The following THSD7B variants were observed in gnomAD, a reference collection of about 807,000 sequenced individuals.
THSD7B encodes thrombospondin type 1 domain containing 7B, also known as thrombospondin type-1 domain-containing protein 7B.
In THSD7B, 138 loss-of-function variants were observed where a neutral mutation model predicts 213.6. The ratio of observed to expected loss-of-function variants is 0.65; its 90% CI spans 0.56 to 0.74. THSD7B has a LOEUF of 0.74. Among genes scored for constraint, THSD7B ranks in the 30% least tolerant of loss-of-function variants. THSD7B has a pLI of 0.00. For missense variants in THSD7B, 1,931 were observed against 1,991.5 expected, an observed-to-expected ratio of 0.97 and a Z score of 0.58; for synonymous variants, 742 against 687.0, an observed-to-expected ratio of 1.08 and a Z score of -1.25.
At chr2:136,795,570 G>A (rs1463415204) in intron 1 of THSD7B, among the ~76,000 whole-genome samples, 3 of 151,922 alleles carry the variant, frequency 2.0e-5, no homozygotes, top group East Asian at 3.9e-4. Flanking sequence ...TATTACACTA[G>A]CAAATAGTTA....
intron 2 of THSD7B, among the ~76,000 whole-genome samples, chr2:136,895,553 G>T: frequency 3.0e-5 from 3 of 100,864 alleles, no homozygotes; most frequent in Admixed American, 1.5e-4. Context: ...AGAATTCCAT[G>T]CTATTACAAT....
chr2:136,877,757 A>T (rs993536979), intron 1 of THSD7B, among the ~76,000 whole-genome samples: 5 of 152,052 alleles, frequency 3.3e-5, no homozygotes, highest in African/African-American at 1.2e-4. Flanking sequence ...GGCCCAGCAT[A>T]CCACCTGTAT....
intron 12 of THSD7B, among the ~76,000 whole-genome samples, chr2:137,315,117 C>G (rs1205507053): frequency 6.6e-6 from 1 of 152,220 alleles, no homozygotes; most frequent in Admixed American, 6.5e-5. Context: ...TCGCTGCCGC[C>G]TTGCAGTTTG....
intron 15 of THSD7B, among the ~76,000 whole-genome samples, chr2:137,487,632 T>G (rs997824751): frequency 6.7e-6 from 1 of 150,250 alleles, no homozygotes; most frequent in Non-Finnish European, 1.5e-5. Context: ...AAAGGGGATA[T>G]CACCACTGAT....
intron 2 of THSD7B, among the ~76,000 whole-genome samples, chr2:136,890,394 C>T (rs1683809145): frequency 8.2e-4 from 1 of 1,222 alleles, no homozygotes; most frequent in Non-Finnish European, 2.2e-3. Context: ...TCTTCCTCTT[C>T]CTCTTCCTCT....
intron 2 of THSD7B, among the ~76,000 whole-genome samples, chr2:137,000,306 T>A (rs565859880): frequency 6.6e-6 from 1 of 152,290 alleles, no homozygotes; most frequent in South Asian, 2.1e-4. Flanking sequence ...ATCTAGAAAT[T>A]GTAGATTTCC....
intron 20 of THSD7B, 150 bp downstream of exon 20, chr2:137,620,876 C>A: frequency 1.6e-6 from 1 of 625,298 alleles, no homozygotes. Flanking sequence ...AGCCTGGCCT[C>A]ATATCAGTCC....
At chr2:136,897,626 G>C (rs1212890134) in intron 2 of THSD7B, among the ~76,000 whole-genome samples, 1 of 152,130 alleles carries the variant, frequency 6.6e-6, no homozygotes, top group Non-Finnish European at 1.5e-5. Flanking sequence ...GCAGGTTGCC[G>C]CTGCGGGCTC....
At chr2:137,615,764 T>C (rs74494129) in intron 17 of THSD7B, among the ~76,000 whole-genome samples, 4,432 of 152,214 alleles carry the variant, frequency 0.029, 167 homozygotes, top group African/African-American at 0.088. Context: ...ATTTTCTGTG[T>C]GATTATTTTT....
At chr2:137,193,198 A>G (rs1445016279) in intron 7 of THSD7B, among the ~76,000 whole-genome samples, 2 of 152,100 alleles carry the variant, frequency 1.3e-5, no homozygotes, top group Admixed American at 6.5e-5. Flanking sequence ...TATTTGGAAT[A>G]TCACACATGT....
intron 14 of THSD7B, among the ~76,000 whole-genome samples, chr2:137,444,030 A>G (rs1687475456): frequency 6.6e-6 from 1 of 152,064 alleles, no homozygotes; most frequent in Non-Finnish European, 1.5e-5. Context: ...GGAGTTTTAT[A>G]AAAAGCAGTA....
intron 19 of THSD7B, among the ~76,000 whole-genome samples, chr2:137,618,810 T>C (rs1176228112): frequency 6.6e-6 from 1 of 152,236 alleles, no homozygotes; most frequent in African/African-American, 2.4e-5. Flanking sequence ...TGGGCGACTT[T>C]AATATTTAAA....
intron 2 of THSD7B, among the ~76,000 whole-genome samples, chr2:136,932,370 T>C (rs569808044): frequency 3.2e-4 from 48 of 152,318 alleles, no homozygotes; most frequent in African/African-American, 1.1e-3. Context: ...CAGGAAGATA[T>C]GGAAACAGTG....
At chr2:137,006,511 C>A (rs1311441516) in intron 2 of THSD7B, among the ~76,000 whole-genome samples, 1 of 152,036 alleles carries the variant, frequency 6.6e-6, no homozygotes, top group Non-Finnish European at 1.5e-5. Flanking sequence ...GTACAGGAGG[C>A]TAAAGGACTC....
intron 20 of THSD7B, among the ~76,000 whole-genome samples, chr2:137,637,689 T>A (rs753586264): frequency 2.0e-5 from 3 of 152,226 alleles, no homozygotes; most frequent in Non-Finnish European, 4.4e-5. Flanking sequence ...TATTAGATTT[T>A]CTCTACCTTT....
At chr2:136,955,773 C>G (rs1685113892) in intron 2 of THSD7B, among the ~76,000 whole-genome samples, 2 of 152,108 alleles carry the variant, frequency 1.3e-5, no homozygotes, top group Admixed American at 6.5e-5. Flanking sequence ...CTGCCTCAGC[C>G]TCCTGAGTAG....
At chr2:136,958,117 T>C (rs1481137831) in intron 2 of THSD7B, among the ~76,000 whole-genome samples, 1 of 152,160 alleles carries the variant, frequency 6.6e-6, no homozygotes, top group East Asian at 1.9e-4. Context: ...TAAGTTCAAA[T>C]GTAGAAGTAA....
At chr2:137,211,634 ATCT>A (rs1199999651) in intron 7 of THSD7B, among the ~76,000 whole-genome samples, 1 of 152,024 alleles carries the variant, frequency 6.6e-6, no homozygotes, top group Non-Finnish European at 1.5e-5. Flanking sequence ...AACCCATTTA[ATCT>A]TCTTTTGCCT....
intron 20 of THSD7B, among the ~76,000 whole-genome samples, chr2:137,637,279 T>C (rs912360974): frequency 6.6e-6 from 1 of 152,206 alleles, no homozygotes; most frequent in Non-Finnish European, 1.5e-5. Flanking sequence ...TTCCATGTTA[T>C]TAGATTTTTT....
Sources: allele counts gnomAD v4.1 joint callset (sites outside exome capture counted in the v4.1 genomes callset), GRCh38; gene constraint gnomAD v4.1.1; transcripts MANE v1.5; gene names NCBI Gene and HGNC (gene_info 2026-07-23, HGNC 2026-07-21).